VEPH1: variants seen among roughly 807,000 people sequenced by gnomAD.
VEPH1 encodes the protein ventricular zone-expressed PH domain-containing protein homolog 1.
VEPH1 carries 80 observed loss-of-function variants against 85.2 expected under a neutral mutation model. The ratio of observed to expected loss-of-function variants is 0.94; its 90% CI spans 0.78 to 1.13. The LOEUF (loss-of-function observed/expected upper bound fraction) is 1.13, where lower values mean the gene tolerates loss of function less well. VEPH1 is among the 50% of genes most tolerant of loss of function. VEPH1 has a pLI of 0.00. For synonymous variants in VEPH1, 297 were observed against 348.0 expected, an observed-to-expected ratio of 0.85 and a Z score of 1.63; for missense variants, 955 against 980.5, an observed-to-expected ratio of 0.97 and a Z score of 0.35.
At chr3:157,328,780 G>T (rs1722191727) in intron 9 of VEPH1, among the ~76,000 whole-genome samples, 1 of 152,176 alleles carries the variant, frequency 6.6e-6, no homozygotes, top group Non-Finnish European at 1.5e-5. Context: ...AAGCTTCGTG[G>T]CAGGAAGATA....
At chr3:157,298,150 T>C (rs2108441439) in intron 11 of VEPH1, among the ~76,000 whole-genome samples, 1 of 152,384 alleles carries the variant, frequency 6.6e-6, no homozygotes. Context: ...ACTTACTCTG[T>C]TCCAGGTGCT....
intron 11 of VEPH1, among the ~76,000 whole-genome samples, chr3:157,297,097 C>T (rs1718229187): frequency 6.6e-6 from 1 of 151,810 alleles, no homozygotes; most frequent in African/African-American, 2.4e-5. Flanking sequence ...AGTGAGACCC[C>T]ATCTCAAAAA....
intron 2 of VEPH1, among the ~76,000 whole-genome samples, chr3:157,494,776 G>A (rs759083414): frequency 3.9e-5 from 6 of 152,094 alleles, no homozygotes; most frequent in Non-Finnish European, 7.4e-5. Flanking sequence ...TATTACCTGC[G>A]TGGCAGGAGG....
chr3:157,451,373 A>C (rs1268230522), intron 4 of VEPH1, among the ~76,000 whole-genome samples: 1 of 152,210 alleles, frequency 6.6e-6, no homozygotes, highest in Non-Finnish European at 1.5e-5. Context: ...GTAAGAAGTA[A>C]GACCTTTTAC....
chr3:157,297,813 C>A (rs1392445023), intron 11 of VEPH1, among the ~76,000 whole-genome samples: 1 of 151,948 alleles, frequency 6.6e-6, no homozygotes, highest in African/African-American at 2.4e-5. Context: ...GATGTGAAGA[C>A]TGAAAGGAGG....
In VEPH1 at chr3:157,495,356, G is replaced by T; in HGVS notation, c.-7C>A. On this transcript the variant is annotated 5_prime_UTR_variant, in exon 2 of 14. Transcript: ENST00000362010. ...GTCTGAACAGTTGATGCATGGTGAGGATGAGTTTGATCAGTTGACTTTCTA... is the reference window on the plus strand; with the variant it reads ...GTCTGAACAGTTGATGCATGGTGAGTATGAGTTTGATCAGTTGACTTTCTA... 6.2e-7 allele frequency: 1 copy of T among 1,613,528 alleles called. No homozygotes were observed. The highest frequency in any genetic ancestry group is 8.5e-7 in the Non-Finnish European group (1 of 1,179,702).
At chr3:157,279,479 A>G (rs1404856115) in intron 12 of VEPH1, among the ~76,000 whole-genome samples, 2 of 152,038 alleles carry the variant, frequency 1.3e-5, no homozygotes, top group Non-Finnish European at 2.9e-5. Flanking sequence ...GAGAGAGACA[A>G]CTCTCTTGGC....
chr3:157,497,844 A>C (rs1234704596), intron 1 of VEPH1, among the ~76,000 whole-genome samples: 1 of 152,208 alleles, frequency 6.6e-6, no homozygotes, highest in Non-Finnish European at 1.5e-5. Context: ...AAACAGAAAC[A>C]TCAAGTTGTT....
intron 5 of VEPH1, among the ~76,000 whole-genome samples, chr3:157,419,633 C>T (rs773792529): frequency 3.3e-5 from 5 of 152,074 alleles, no homozygotes; most frequent in African/African-American, 4.8e-5. Flanking sequence ...TGCTGTCTCA[C>T]GCCAGTCAGA....
At chr3:157,265,307 A>G (rs1713477273) in intron 13 of VEPH1, among the ~76,000 whole-genome samples, 1 of 152,258 alleles carries the variant, frequency 6.6e-6, no homozygotes. Flanking sequence ...TAAAAAGTCA[A>G]CTAAAACAAG....
In VEPH1 at chr3:157,280,570, T is replaced by C. The variant is rs115620531; in HGVS notation, c.2128+5987A>G. 2.8e-3 allele frequency among the ~76,000 whole-genome samples: 427 copies of C among 152,346 alleles called. 3 individuals carry two copies. Among genetic ancestry groups the C allele is most frequent in the African/African-American group, 9.9e-3 (410 of 41,590 alleles). ...CTTCAAGATTTACAAGTTATTAGCATGTTTACTATGAGCTCTTTGCCTATG... is the reference window on the plus strand; with the variant it reads ...CTTCAAGATTTACAAGTTATTAGCACGTTTACTATGAGCTCTTTGCCTATG... On this transcript the variant is annotated intron_variant, in intron 12 of 13. Coordinates refer to ENST00000362010, the MANE Select transcript of VEPH1 (RefSeq NM_001167912.2).
intron 4 of VEPH1, 135 bp downstream of exon 4, chr3:157,460,046 A>G: frequency 6.3e-7 from 1 of 1,586,424 alleles, no homozygotes; most frequent in Non-Finnish European, 8.5e-7. Context: ...TTCACAGGTC[A>G]ACTGGCAGCA....
At chr3:157,462,644 A>G (rs949454083) in intron 3 of VEPH1, among the ~76,000 whole-genome samples, 17 of 152,216 alleles carry the variant, frequency 1.1e-4, no homozygotes, top group Non-Finnish European at 2.2e-4. Context: ...TATCCAGTCC[A>G]TAAATCTTTC....
intron 5 of VEPH1, among the ~76,000 whole-genome samples, chr3:157,416,866 G>A (rs2109049851): frequency 6.8e-6 from 1 of 147,284 alleles, no homozygotes; most frequent in East Asian, 2.0e-4. Context: ...GAAAGAGAAA[G>A]AAAGACAGAC....
intron 4 of VEPH1, among the ~76,000 whole-genome samples, chr3:157,454,498 A>G (rs1319997771): frequency 6.6e-6 from 1 of 152,212 alleles, no homozygotes; most frequent in Non-Finnish European, 1.5e-5. Flanking sequence ...GGCAATAGGC[A>G]TTTTGAGAAT....
At chr3:157,468,183 C>T (rs1736564027) in intron 3 of VEPH1, among the ~76,000 whole-genome samples, 1 of 152,146 alleles carries the variant, frequency 6.6e-6, no homozygotes, top group Non-Finnish European at 1.5e-5. Flanking sequence ...CATAAACCTT[C>T]CAAACATGAT....
At chr3:157,345,785 G>A (rs1435928600) in intron 9 of VEPH1, among the ~76,000 whole-genome samples, 2 of 152,164 alleles carry the variant, frequency 1.3e-5, no homozygotes, top group East Asian at 3.8e-4. Flanking sequence ...CAACCCAAAT[G>A]TCCATAAATG....
At chr3:157,442,712 T>G (rs1286972781) in intron 4 of VEPH1, 1 of 1,614,180 alleles carries the variant, frequency 6.2e-7, no homozygotes, top group South Asian at 1.1e-5. Context: ...CGGCTACCAC[T>G]GTTGAGATGG....
At chr3:157,479,755 C>T (rs555198861) in intron 2 of VEPH1, among the ~76,000 whole-genome samples, 1 of 152,320 alleles carries the variant, frequency 6.6e-6, no homozygotes, top group Admixed American at 6.5e-5. Flanking sequence ...CTCTAAGCCT[C>T]TGTTTCCTAA....
Sources: allele counts gnomAD v4.1 joint callset (sites outside exome capture counted in the v4.1 genomes callset), GRCh38; gene constraint gnomAD v4.1.1; transcripts MANE v1.5; gene names NCBI Gene and HGNC (gene_info 2026-07-23, HGNC 2026-07-21).